TAFA2: variants seen among roughly 807,000 people sequenced by gnomAD.
The protein encoded by TAFA2 is TAFA chemokine like family member 2.
TAFA2 carries 7 observed loss-of-function variants against 18.8 expected under a neutral mutation model. The ratio of observed to expected loss-of-function variants is 0.37; its 90% confidence interval spans 0.21 to 0.70. TAFA2 has a LOEUF of 0.70. TAFA2 is among the 30% of genes least tolerant of loss of function. The pLI is 0.53. For missense variants in TAFA2, 122 were observed against 158.1 expected, an observed-to-expected ratio of 0.77 and a Z score of 1.23; for synonymous variants, 60 against 54.2, an observed-to-expected ratio of 1.11 and a Z score of -0.47.
At chr12:62,115,791 C>T (rs1468723962) in intron 1 of TAFA2, among the ~76,000 whole-genome samples, 1 of 152,140 alleles carries the variant, frequency 6.6e-6, no homozygotes, top group Non-Finnish European at 1.5e-5. Context: ...ATCCAGCTTC[C>T]TTTCTTGTCC....
In TAFA2 at chr12:61,829,830, A is replaced by T. The variant is rs900716895; in HGVS notation, c.106+37490T>A. 9.2e-5 allele frequency among the ~76,000 whole-genome samples: 14 copies of T among 151,886 alleles called. No individual in the cohort carries two copies. In the East Asian group the frequency reaches 2.7e-3, roughly 29 times the overall value. ...TTATTTCAAATCATCTTTAGCCTAAATATAAAGAACACAAAGTACAAAAAG... is the reference window on the plus strand; with the variant it reads ...TTATTTCAAATCATCTTTAGCCTAATTATAAAGAACACAAAGTACAAAAAG... On this transcript the variant is annotated intron_variant, in intron 2 of 4. Transcript: ENST00000416284.
chr12:61,992,383 T>C, intron 1 of TAFA2, among the ~76,000 whole-genome samples: 1 of 152,196 alleles, frequency 6.6e-6, no homozygotes. Context: ...AGGCTTATAG[T>C]AAAGCCTATA....
chr12:62,127,562 A>G (rs944727549), intron 1 of TAFA2, among the ~76,000 whole-genome samples: 6 of 152,162 alleles, frequency 3.9e-5, no homozygotes, highest in Admixed American at 2.0e-4. Context: ...CATTTAGCAA[A>G]AAGTTTTTCA....
rs186918062 is a variant in TAFA2, at chr12:62,126,468, A to C, written c.-2+64791T>G. 2.6e-4 allele frequency among the ~76,000 whole-genome samples: 39 copies of C among 152,218 alleles called. No homozygotes were observed. In the East Asian group the frequency reaches 5.6e-3, roughly 22 times the overall value. The stretch of plus-strand genomic sequence containing the variant: ...AGTGTCTCTTTCCAGGGCAGAAGGC[A>C]GGTTTGTTTTCTCACTAGGATAATA... On this transcript the variant is annotated intron_variant, in intron 1 of 4. Coordinates refer to ENST00000416284, the MANE Select transcript of TAFA2 (RefSeq NM_178539.5).
intron 2 of TAFA2, among the ~76,000 whole-genome samples, chr12:61,781,761 T>G (rs1278879454): frequency 6.6e-6 from 1 of 151,754 alleles, no homozygotes; most frequent in African/African-American, 2.4e-5. Flanking sequence ...AATTATAAAC[T>G]GGTACCAAAA....
rs145573556 is a variant in TAFA2 at position 61,850,059 on chromosome 12, A to G, written c.106+17261T>C. Among the ~76,000 whole-genome samples, 817 of 152,282 alleles carry G rather than the reference A, an allele frequency of 5.4e-3. 5 individuals carry two copies. The highest frequency in any genetic ancestry group is 8.8e-3 in the Non-Finnish European group (598 of 68,000). On this transcript the variant is annotated intron_variant, in intron 2 of 4. Coordinates refer to ENST00000416284, the MANE Select transcript of TAFA2 (RefSeq NM_178539.5). Reference sequence around the variant, plus strand: ...TTCAACAGGGGTGATAGCATCCCCCAAAAGGGTGAGAACTGGTTCATAAAA... The same window carrying G: ...TTCAACAGGGGTGATAGCATCCCCCGAAAGGGTGAGAACTGGTTCATAAAA...
intron 1 of TAFA2, among the ~76,000 whole-genome samples, chr12:62,118,228 T>C (rs895472892): frequency 6.6e-6 from 1 of 152,148 alleles, no homozygotes; most frequent in Admixed American, 6.5e-5. Context: ...CTCTATAAAA[T>C]GGTATCATTA....
intron 4 of TAFA2, among the ~76,000 whole-genome samples, chr12:61,725,918 A>T (rs1317389459): frequency 6.6e-6 from 1 of 151,968 alleles, no homozygotes; most frequent in Admixed American, 6.6e-5. Flanking sequence ...GGATTTGGGG[A>T]GAAGGGTTGG....
rs377209258 is a variant in TAFA2 at position 61,790,305 on chromosome 12, G to A, written c.107-35281C>T. On this transcript the variant is annotated intron_variant, in intron 2 of 4. Transcript: ENST00000416284. ...CTAAACACTTTTTCTTTAACATCTG[G>A]AACGAGAGAAGTGTGCTCATTTAAA... 6.7e-4 allele frequency among the ~76,000 whole-genome samples: 102 copies of A among 151,886 alleles called. 2 individuals are homozygous for A. In the South Asian group the frequency reaches 0.02, roughly 31 times the overall value.
chr12:61,758,755 G>A (rs1185009352), intron 2 of TAFA2, among the ~76,000 whole-genome samples: 1 of 152,034 alleles, frequency 6.6e-6, no homozygotes, highest in African/African-American at 2.4e-5. Flanking sequence ...TGAGACTGCA[G>A]AGCAGAGTGG....
At chr12:61,773,701 A>G (rs2120853774) in intron 2 of TAFA2, among the ~76,000 whole-genome samples, 1 of 152,138 alleles carries the variant, frequency 6.6e-6, no homozygotes, top group Non-Finnish European at 1.5e-5. Flanking sequence ...ACAAAAATTA[A>G]CTCAAGATGA....
At chr12:62,090,038 A>G (rs1868643634) in intron 1 of TAFA2, among the ~76,000 whole-genome samples, 1 of 152,086 alleles carries the variant, frequency 6.6e-6, no homozygotes, top group Admixed American at 6.6e-5. Flanking sequence ...TTCTCATAAG[A>G]CTGCCTGAAT....
At chr12:61,756,064 A>G (rs1039697300) in intron 2 of TAFA2, among the ~76,000 whole-genome samples, 1 of 152,124 alleles carries the variant, frequency 6.6e-6, no homozygotes, top group Non-Finnish European at 1.5e-5. Flanking sequence ...TGCAAATGAG[A>G]TCGGCACATC....
chr12:62,177,013 G>A (rs2062518734), intron 1 of TAFA2, among the ~76,000 whole-genome samples: 1 of 152,334 alleles, frequency 6.6e-6, no homozygotes, highest in South Asian at 2.1e-4. Flanking sequence ...CCTTACTCTT[G>A]AATTGCTGTG....
chr12:61,817,851 A>G (rs1256524874), intron 2 of TAFA2, among the ~76,000 whole-genome samples: 1 of 152,188 alleles, frequency 6.6e-6, no homozygotes, highest in Non-Finnish European at 1.5e-5. Flanking sequence ...ACCTACCTTC[A>G]GGCATTTTTT....
intron 2 of TAFA2, among the ~76,000 whole-genome samples, chr12:61,857,842 G>A (rs1290575998): frequency 6.6e-6 from 1 of 152,080 alleles, no homozygotes; most frequent in African/African-American, 2.4e-5. Flanking sequence ...TTCTATCTTG[G>A]AGTCTGCTTC....
chr12:62,011,283 C>T (rs148796458), intron 1 of TAFA2, among the ~76,000 whole-genome samples: 20 of 151,960 alleles, frequency 1.3e-4, no homozygotes, highest in East Asian at 7.8e-4. Flanking sequence ...GCCATGATGA[C>T]GATGGCGGTT....
intron 2 of TAFA2, among the ~76,000 whole-genome samples, chr12:61,799,238 C>G (rs1204905273): frequency 6.6e-6 from 1 of 152,150 alleles, no homozygotes; most frequent in Admixed American, 6.5e-5. Flanking sequence ...TCTCTTCTCA[C>G]AAAAATAATA....
intron 1 of TAFA2, among the ~76,000 whole-genome samples, chr12:62,169,616 C>T (rs996645522): frequency 1.3e-5 from 2 of 152,064 alleles, no homozygotes; most frequent in African/African-American, 2.4e-5. Context: ...TTTTGGGAGG[C>T]CGAGGCGGGC....
Sources: allele counts gnomAD v4.1 joint callset (sites outside exome capture counted in the v4.1 genomes callset), GRCh38; gene constraint gnomAD v4.1.1; transcripts MANE v1.5; gene names NCBI Gene and HGNC (gene_info 2026-07-23, HGNC 2026-07-21).